Variants in MFHAS1 observed in about 807,000 individuals in gnomAD.
MFHAS1 encodes the protein malignant fibrous histiocytoma-amplified sequence 1.
In MFHAS1, 50 loss-of-function variants were observed where a neutral mutation model predicts 70.4. The observed-to-expected ratio is 0.71, with a 90% CI of 0.57 to 0.90. The LOEUF (loss-of-function observed/expected upper bound fraction) is 0.90. Ranked by LOEUF, MFHAS1 falls within the 40% of genes least tolerant of loss-of-function variation. The probability of loss-of-function intolerance (pLI) is 0.00; values close to 1 mark genes in which losing one functional copy is unlikely to be tolerated. For synonymous variants in MFHAS1, 952 were observed against 620.0 expected (o/e 1.54, Z -7.96); for missense variants, 1,795 against 1,347.6 (o/e 1.33, Z -5.20).
At chr8:8,844,090 ACT>A (rs1807940419) in intron 1 of MFHAS1, among the ~76,000 whole-genome samples, 1 of 152,184 alleles carries the variant, frequency 6.6e-6, no homozygotes, top group Non-Finnish European at 1.5e-5. Flanking sequence ...AGAAGAAAGA[ACT>A]CTGAAGTCAG....
chr8:8,849,325 C>G lies in MFHAS1; in HGVS notation c.2998+40736G>C, dbSNP rs549792441. Among the ~76,000 whole-genome samples the G allele has an allele frequency of 4.3e-4, 65 of 151,972 alleles. No homozygotes were observed. The South Asian group carries it at 0.012, about 29-fold the overall frequency. ...TGAACTCCTGGCCTCAAGTGGCCTGCCTGCCTCAGCCTCCTGAAGTGCTGG... is the reference window on the plus strand; with the variant it reads ...TGAACTCCTGGCCTCAAGTGGCCTGGCTGCCTCAGCCTCCTGAAGTGCTGG... On this transcript the variant is annotated intron_variant, in intron 1 of 2. Coordinates refer to ENST00000276282, the MANE Select transcript of MFHAS1 (RefSeq NM_004225.3).
chr8:8,867,627 G>C (rs1225766372), intron 1 of MFHAS1, among the ~76,000 whole-genome samples: 1 of 150,680 alleles, frequency 6.6e-6, no homozygotes, highest in African/African-American at 2.4e-5. Flanking sequence ...GCGCAATCTC[G>C]GCTCACCAAA....
Position 8,892,044 on chromosome 8 carries a change from C to T in MFHAS1, c.1015G>A (p.Val339Met). The T allele has an allele frequency of 6.2e-7, 1 of 1,613,358 alleles. No homozygotes were observed. The change falls in exon 1 of 3, where the codon GTG (valine) becomes ATG (methionine). Residue 339 changes from valine to methionine, a missense_variant. Coordinates refer to ENST00000276282, the MANE Select transcript of MFHAS1 (RefSeq NM_004225.3). This position sits in a 1 kb window ranked among gnomAD's most constrained non-coding sequence, Gnocchi z 4.7. Reference protein sequence around the residue: ...NRIRYLPDSIVELTGLEELVL... With the variant: ...NRIRYLPDSIMELTGLEELVL... ...AGCTCCTCCAGGCCGGTCAGCTCCACGATGGAGTCCGGCAGGTAGCGGATG... is the reference window on the plus strand; with the variant it reads ...AGCTCCTCCAGGCCGGTCAGCTCCATGATGGAGTCCGGCAGGTAGCGGATG...
chr8:8,840,562 C>T (rs1807782145), intron 1 of MFHAS1, among the ~76,000 whole-genome samples: 1 of 152,034 alleles, frequency 6.6e-6, no homozygotes, highest in Non-Finnish European at 1.5e-5. Flanking sequence ...CATTCATGGA[C>T]CCGACCCGGT....
rs532222432 is a variant in MFHAS1, at chr8:8,859,450, A to G, written c.2998+30611T>C. ...TGCTATTCAAAGACAGCTTAATAAA[A>G]TACAGTTGATCGTTTAACAACACGG... On this transcript the variant is annotated intron_variant, in intron 1 of 2. Coordinates refer to ENST00000276282, the MANE Select transcript of MFHAS1 (RefSeq NM_004225.3). 2.0e-5 allele frequency among the ~76,000 whole-genome samples: 3 copies of G among 152,208 alleles called. No homozygotes were observed. The East Asian group carries it at 5.8e-4, about 29-fold the overall frequency.
chr8:8,797,279 C>A, intron 2 of MFHAS1, 86 bp downstream of exon 2: 1 of 1,499,542 alleles, frequency 6.7e-7, no homozygotes, highest in African/African-American at 1.4e-5. Flanking sequence ...TGTGCAGATG[C>A]AGTTTAACCT....
chr8:8,846,073 C>T (rs759376608), intron 1 of MFHAS1, among the ~76,000 whole-genome samples: 3 of 151,634 alleles, frequency 2.0e-5, no homozygotes, highest in South Asian at 2.1e-4. Flanking sequence ...GACAACATGG[C>T]GAAACCCTGT....
intron 2 of MFHAS1, among the ~76,000 whole-genome samples, chr8:8,794,082 T>C (rs371051490): frequency 4.2e-4 from 64 of 152,040 alleles, no homozygotes; most frequent in Middle Eastern, 3.4e-3. Flanking sequence ...CCTAGCTACT[T>C]AGGAGGCTGA....
Position 8,784,513 on chromosome 8 carries a change from G to C in MFHAS1, c.*1509C>G, listed in dbSNP as rs1563171309. 6.6e-6 allele frequency: 1 copy of C among 152,150 alleles called. No homozygotes were observed. The highest frequency in any genetic ancestry group is 1.5e-5 in the Non-Finnish European group (1 of 68,032). 9.4% of individuals were successfully genotyped at this position (152,150 alleles called of 1,614,324 possible). On this transcript the variant is annotated 3_prime_UTR_variant, in exon 3 of 3. Coordinates refer to ENST00000276282, the MANE Select transcript of MFHAS1 (RefSeq NM_004225.3). ...TGGAGTCAGTGAAATTAATGCCTGG[G>C]GCACAAAATATTCTACAAAAATCGG...
Position 8,845,229 on chromosome 8 carries a change from T to TGG in MFHAS1, c.2998+44831_2998+44832insCC, listed in dbSNP as rs1186040987. Among the ~76,000 whole-genome samples, 3 of 152,328 alleles carry TGG rather than the reference T, an allele frequency of 2.0e-5. No individual in the cohort carries two copies. The East Asian group carries it at 5.8e-4, about 29-fold the overall frequency. On this transcript the variant is annotated intron_variant, in intron 1 of 2. Coordinates refer to ENST00000276282, the MANE Select transcript of MFHAS1 (RefSeq NM_004225.3). ...TAATCAGCTGAACAAATAATGGTAGTTTTCTAGGTTAGTTCACATAAAAGT... is the reference window on the plus strand; with the variant it reads ...TAATCAGCTGAACAAATAATGGTAGTGGTTTCTAGGTTAGTTCACATAAAAGT...
chr8:8,884,811 A>G (rs1809688475), intron 1 of MFHAS1, among the ~76,000 whole-genome samples: 1 of 152,102 alleles, frequency 6.6e-6, no homozygotes, highest in Non-Finnish European at 1.5e-5. Flanking sequence ...TTAGCCAGGC[A>G]TGGTAGGGTG....
intron 1 of MFHAS1, among the ~76,000 whole-genome samples, chr8:8,881,632 G>A (rs1367245039): frequency 2.0e-5 from 3 of 152,126 alleles, no homozygotes; most frequent in Non-Finnish European, 2.9e-5. Context: ...TCAGGAGTTT[G>A]AGATCAGCCT....
chr8:8,870,604 T>C (rs1809039163), intron 1 of MFHAS1, among the ~76,000 whole-genome samples: 1 of 152,136 alleles, frequency 6.6e-6, no homozygotes, highest in Non-Finnish European at 1.5e-5. Flanking sequence ...TCCCTACGAC[T>C]CACCTCCCCT....
intron 2 of MFHAS1, among the ~76,000 whole-genome samples, chr8:8,792,329 C>T (rs1484196753): frequency 6.7e-6 from 1 of 150,218 alleles, no homozygotes; most frequent in Non-Finnish European, 1.5e-5. Flanking sequence ...TGGCCGGGCG[C>T]GTGGCTCACG....
chr8:8,850,040 G>C (rs1355012193), intron 1 of MFHAS1, among the ~76,000 whole-genome samples: 1 of 151,842 alleles, frequency 6.6e-6, no homozygotes, highest in African/African-American at 2.4e-5. Context: ...TAGCACTGAT[G>C]GCTAATACTA....
chr8:8,835,047 C>G (rs1807547338), intron 1 of MFHAS1, among the ~76,000 whole-genome samples: 1 of 152,052 alleles, frequency 6.6e-6, no homozygotes, highest in Non-Finnish European at 1.5e-5. Context: ...CTAAACCAGA[C>G]ACAAAAAAAG....
Position 8,867,295 on chromosome 8 carries a change from A to G in MFHAS1, c.2998+22766T>C, listed in dbSNP as rs542281990. On this transcript the variant is annotated intron_variant, in intron 1 of 2. Coordinates refer to ENST00000276282, the MANE Select transcript of MFHAS1 (RefSeq NM_004225.3). ...AACTTTTTGTTACATTTTTATAACA[A>G]AAGTTAAAAATATACCCTCACATTT... is the stretch of plus-strand genomic sequence containing the variant. Among the ~76,000 whole-genome samples, 10 of 152,320 alleles carry G rather than the reference A, an allele frequency of 6.6e-5. No homozygotes were observed. In the South Asian group the frequency reaches 2.1e-3, roughly 32 times the overall value.
In MFHAS1 at chr8:8,892,689, T is replaced by G. The variant is rs1810119963; in HGVS notation, c.370A>C (p.Thr124Pro). 6.4e-7 allele frequency: 1 copy of G among 1,571,852 alleles called. No individual in the cohort carries two copies. The highest frequency in any genetic ancestry group is 1.4e-5 in the African/African-American group (1 of 73,636). ...TELDVSHNRLTALGAEVVSAL... is the reference protein window; with the variant it reads ...TELDVSHNRLPALGAEVVSAL... ...CTCACCACCTCCGCGCCCAGGGCGG[T>G]CAGCCGGTTGTGGCTCACGTCCAGC... Residue 124 changes from threonine to proline, a missense_variant, in exon 1 of 3, where the codon ACC becomes CCC. Coordinates refer to ENST00000276282, the MANE Select transcript of MFHAS1 (RefSeq NM_004225.3). The surrounding 1 kb of genome is among the most constrained non-coding windows in gnomAD (Gnocchi z 4.7).
At chr8:8,874,753 T>C (rs1809225888) in intron 1 of MFHAS1, among the ~76,000 whole-genome samples, 1 of 152,016 alleles carries the variant, frequency 6.6e-6, no homozygotes, top group Non-Finnish European at 1.5e-5. Context: ...GAGGAAGCTA[T>C]TAATATACTG....
Sources: gnomAD v4.1 joint callset for allele counts (sites outside exome capture counted in the v4.1 genomes callset) on GRCh38, gnomAD v4.1.1 for gene constraint, Gnocchi (gnomAD v3.1) non-coding constraint, MANE v1.5 for transcripts, NCBI Gene and HGNC (gene_info 2026-07-23, HGNC 2026-07-21) for gene names.